Variants in BBS9 observed in about 807,000 individuals in gnomAD.
The protein encoded by BBS9 is protein PTHB1.
A neutral mutation model predicts 117.7 loss-of-function variants in BBS9; 89 were observed. That is an observed-to-expected ratio of 0.76 (90% CI 0.64 to 0.90). The LOEUF (loss-of-function observed/expected upper bound fraction) is 0.90. Ranked by LOEUF, BBS9 falls within the 40% of genes least tolerant of loss-of-function variation. BBS9 has a pLI of 0.00. For synonymous variants in BBS9, 379 were observed against 370.9 expected, an observed-to-expected ratio of 1.02 and a Z score of -0.25; for missense variants, 982 against 1,042.2, an observed-to-expected ratio of 0.94 and a Z score of 0.80.
At chr7:33,227,156 G>A (rs114253306) in intron 5 of BBS9, among the ~76,000 whole-genome samples, 5,675 of 149,896 alleles carry the variant, frequency 0.038, 190 homozygotes, top group African/African-American at 0.087. Context: ...GGACCTTACA[G>A]CCATCAATTT....
intron 7 of BBS9, among the ~76,000 whole-genome samples, chr7:33,271,026 C>G (rs918247116): frequency 3.3e-5 from 5 of 152,238 alleles, no homozygotes; most frequent in African/African-American, 9.6e-5. Flanking sequence ...GGCAGAAACC[C>G]TACAAGCCAG....
chr7:33,564,563 C>T (rs1469658980), intron 21 of BBS9, among the ~76,000 whole-genome samples: 1 of 152,098 alleles, frequency 6.6e-6, no homozygotes. Context: ...TTCACGATGA[C>T]TTTTCGTTTT....
At chr7:33,524,301 T>C (rs1421376980) in intron 20 of BBS9, among the ~76,000 whole-genome samples, 2 of 152,150 alleles carry the variant, frequency 1.3e-5, no homozygotes, top group African/African-American at 4.8e-5. Context: ...TTTCTGTTGA[T>C]TGGAATAGTT....
chr7:33,561,800 T>G (rs1856122359), intron 21 of BBS9, among the ~76,000 whole-genome samples: 2 of 152,224 alleles, frequency 1.3e-5, no homozygotes, highest in African/African-American at 4.8e-5. Context: ...TAAGATTTCT[T>G]ATTAAAATTA....
chr7:33,572,961 G>A (rs1288455358), intron 21 of BBS9, among the ~76,000 whole-genome samples: 1 of 151,826 alleles, frequency 6.6e-6, no homozygotes, highest in East Asian at 1.9e-4. Context: ...CCAGATTTGA[G>A]CAGAGGAAAA....
chr7:33,528,103 A>T (rs1226251271), intron 20 of BBS9, among the ~76,000 whole-genome samples: 2 of 152,238 alleles, frequency 1.3e-5, no homozygotes, highest in Non-Finnish European at 2.9e-5. Context: ...TGGATCAATT[A>T]TAAATACCAA....
chr7:33,343,823 C>T (rs1817012072), intron 11 of BBS9, among the ~76,000 whole-genome samples: 1 of 151,728 alleles, frequency 6.6e-6, no homozygotes, highest in South Asian at 2.1e-4. Flanking sequence ...GGGTGTAAGG[C>T]CACTCAATCT....
intron 21 of BBS9, among the ~76,000 whole-genome samples, chr7:33,586,975 C>T (rs1861007843): frequency 6.6e-6 from 1 of 152,028 alleles, no homozygotes; most frequent in African/African-American, 2.4e-5. Flanking sequence ...TGGATCCATT[C>T]ATACGCCAAG....
chr7:33,406,945 G>A, intron 19 of BBS9, among the ~76,000 whole-genome samples: 1 of 152,082 alleles, frequency 6.6e-6, no homozygotes, highest in African/African-American at 2.4e-5. Flanking sequence ...GTGTCTTTGT[G>A]GAATTCTCTG....
chr7:33,510,099 T>TTA, intron 20 of BBS9, among the ~76,000 whole-genome samples: 2 of 152,308 alleles, frequency 1.3e-5, no homozygotes, highest in Non-Finnish European at 2.9e-5. Context: ...AAAAAAGCTC[T>TTA]TACACTTGGT....
chr7:33,626,485 G>A (rs1007545709), intron 21 of BBS9, among the ~76,000 whole-genome samples: 1 of 152,194 alleles, frequency 6.6e-6, no homozygotes, highest in Non-Finnish European at 1.5e-5. Context: ...GGAGGGCTCA[G>A]AAGAAGATAA....
intron 21 of BBS9, among the ~76,000 whole-genome samples, chr7:33,629,942 G>A (rs187236213): frequency 4.7e-4 from 72 of 152,172 alleles, no homozygotes; most frequent in East Asian, 5.8e-4. Context: ...ACTTTAAAAG[G>A]CTAATTTCAG....
At chr7:33,191,650 G>A (rs1784138543) in intron 5 of BBS9, among the ~76,000 whole-genome samples, 1 of 152,202 alleles carries the variant, frequency 6.6e-6, no homozygotes, top group Non-Finnish European at 1.5e-5. Context: ...TTCTGGTACA[G>A]TGTGTGGGGA....
chr7:33,234,262 A>G (rs1793048084), intron 5 of BBS9, among the ~76,000 whole-genome samples: 1 of 152,102 alleles, frequency 6.6e-6, no homozygotes, highest in Non-Finnish European at 1.5e-5. Context: ...CTAAGGTTTC[A>G]GGCATCCACT....
intron 5 of BBS9, among the ~76,000 whole-genome samples, chr7:33,208,740 TC>T (rs1486514814): frequency 1.3e-5 from 2 of 152,192 alleles, no homozygotes; most frequent in Non-Finnish European, 2.9e-5. Context: ...TTATGTTTTT[TC>T]TAGGAGGGTA....
intron 9 of BBS9, among the ~76,000 whole-genome samples, chr7:33,301,304 AAT>A (rs1358901881): frequency 6.6e-6 from 1 of 151,956 alleles, no homozygotes; most frequent in Non-Finnish European, 1.5e-5. Context: ...ATTATTTTTA[AAT>A]ATATAATTAA....
chr7:33,422,244 A>G (rs1404366650), intron 19 of BBS9, among the ~76,000 whole-genome samples: 7 of 152,146 alleles, frequency 4.6e-5, no homozygotes, highest in Admixed American at 4.6e-4. Flanking sequence ...AAAATGTGTG[A>G]CATATTACTT....
chr7:33,544,787 A>T (rs1320775065), intron 21 of BBS9, among the ~76,000 whole-genome samples: 1 of 152,124 alleles, frequency 6.6e-6, no homozygotes, highest in Non-Finnish European at 1.5e-5. Flanking sequence ...TTCCACTACC[A>T]GGGTGGATAG....
intron 2 of BBS9, among the ~76,000 whole-genome samples, chr7:33,146,629 G>T (rs1352814629): frequency 6.7e-6 from 1 of 149,324 alleles, no homozygotes; most frequent in Middle Eastern, 3.6e-3. Context: ...AACCCAGAAG[G>T]CAGAGGTTGC....
Sources: gnomAD v4.1 joint callset for allele counts (sites outside exome capture counted in the v4.1 genomes callset) on GRCh38, gnomAD v4.1.1 for gene constraint, MANE v1.5 for transcripts, NCBI Gene and HGNC (gene_info 2026-07-23, HGNC 2026-07-21) for gene names.